The following NCK1 variants were observed in gnomAD, a reference collection of about 807,000 sequenced individuals.
NCK1 encodes the protein NCK adaptor protein 1, also known as SH2/SH3 adapter protein NCK1.
A neutral mutation model predicts 36.6 loss-of-function variants in NCK1; 19 were observed. The observed-to-expected ratio is 0.52, with a 90% CI of 0.36 to 0.76. The LOEUF (loss-of-function observed/expected upper bound fraction) is 0.76, where lower values mean the gene tolerates loss of function less well. NCK1 is among the 30% of genes least tolerant of loss of function. The pLI is 0.00. For missense variants in NCK1, 358 were observed against 445.6 expected (o/e 0.80, Z 1.77); for synonymous variants, 165 against 156.0 (o/e 1.06, Z -0.43).
chr3:136,879,115 GGAACAAT>G (rs2108075806), intron 1 of NCK1, among the ~76,000 whole-genome samples: 1 of 119,136 alleles, frequency 8.4e-6, no homozygotes, highest in Admixed American at 9.9e-5. Flanking sequence ...AAACAAACTG[GGAACAAT>G]CAGAACAACA....
intron 1 of NCK1, chr3:136,899,298 G>C: frequency 8.3e-6 from 2 of 241,010 alleles, no homozygotes; most frequent in South Asian, 6.3e-5. Flanking sequence ...CTCTTTTGGC[G>C]AGGACTGAGA....
At chr3:136,933,808 G>A (rs868233504) in intron 2 of NCK1, among the ~76,000 whole-genome samples, 1 of 152,060 alleles carries the variant, frequency 6.6e-6, no homozygotes, top group Middle Eastern at 3.4e-3. Context: ...AAGTTCAAAC[G>A]ATTCTCGTCC....
intron 1 of NCK1, among the ~76,000 whole-genome samples, chr3:136,892,330 A>G (rs976729876): frequency 6.6e-6 from 1 of 152,204 alleles, no homozygotes; most frequent in Non-Finnish European, 1.5e-5. Context: ...GTGTCCTTTC[A>G]TATACAAAGT....
At chr3:136,907,117 C>T (rs1432840335) in intron 1 of NCK1, among the ~76,000 whole-genome samples, 3 of 152,128 alleles carry the variant, frequency 2.0e-5, no homozygotes, top group African/African-American at 7.2e-5. Flanking sequence ...CTTGCAGGGT[C>T]ACATACTTTG....
chr3:136,865,381 G>C (rs1938385133), intron 1 of NCK1, among the ~76,000 whole-genome samples: 1 of 152,084 alleles, frequency 6.6e-6, no homozygotes, highest in South Asian at 2.1e-4. Flanking sequence ...CACCGTGGCT[G>C]GCCTATATTC....
chr3:136,884,692 T>A (rs1939030011), intron 1 of NCK1, among the ~76,000 whole-genome samples: 1 of 150,930 alleles, frequency 6.6e-6, no homozygotes, highest in Admixed American at 6.6e-5. Context: ...CCTCCCAAAG[T>A]GCAGGCTTGA....
chr3:136,941,116 CTTTTTT>C (rs34776608), intron 2 of NCK1, among the ~76,000 whole-genome samples: 2 of 100,096 alleles, frequency 2.0e-5, no homozygotes, highest in Non-Finnish European at 2.0e-5. Context: ...ATTTCTTTTT[CTTTTTT>C]TTTTTTTTTT....
intron 1 of NCK1, among the ~76,000 whole-genome samples, chr3:136,913,176 A>T (rs1181282874): frequency 6.6e-6 from 1 of 150,576 alleles, no homozygotes; most frequent in Non-Finnish European, 1.5e-5. Context: ...ATTTCTTTGT[A>T]TCCCTTTTTG....
intron 2 of NCK1, among the ~76,000 whole-genome samples, chr3:136,942,850 A>G (rs779193394): frequency 6.6e-6 from 1 of 152,336 alleles, no homozygotes; most frequent in South Asian, 2.1e-4. Flanking sequence ...AAAACCACCC[A>G]GGAAGACTCC....
intron 1 of NCK1, among the ~76,000 whole-genome samples, chr3:136,867,209 TTCCTTCCTTCCTTCCG>T: frequency 7.5e-6 from 1 of 133,006 alleles, no homozygotes; most frequent in African/African-American, 2.7e-5. Flanking sequence ...TTTCCCTTCC[TTCCTTCCTTCCTTCCG>T]TCCATCCATC....
intron 1 of NCK1, among the ~76,000 whole-genome samples, chr3:136,881,233 T>C (rs1938924436): frequency 6.6e-6 from 1 of 152,158 alleles, no homozygotes; most frequent in African/African-American, 2.4e-5. Flanking sequence ...TATTTAATTT[T>C]TTTTGAGATG....
At chr3:136,922,374 T>G (rs1940135288) in intron 1 of NCK1, among the ~76,000 whole-genome samples, 1 of 152,196 alleles carries the variant, frequency 6.6e-6, no homozygotes. Context: ...ATTTATAATT[T>G]CAAGCTTTCT....
chr3:136,884,049 G>A (rs1939011782), intron 1 of NCK1, among the ~76,000 whole-genome samples: 1 of 152,178 alleles, frequency 6.6e-6, no homozygotes, highest in Non-Finnish European at 1.5e-5. Context: ...ACAGTAGCTT[G>A]GATTAGAGAA....
rs190201760 is a variant in NCK1, at chr3:136,950,336, C to T, written c.*1883C>T. Among the ~76,000 whole-genome samples, 1 of 152,164 alleles carries T rather than the reference C, an allele frequency of 6.6e-6. No homozygotes were observed. Among genetic ancestry groups the T allele is most frequent in the East Asian group, 1.9e-4 (1 of 5,192 alleles). On this transcript the variant is annotated 3_prime_UTR_variant, in exon 4 of 4. Coordinates refer to ENST00000481752, the MANE Select transcript of NCK1 (RefSeq NM_001291999.2). ...ACTATTCATAGTAAACTGCACTGAG[C>T]TGATATTAATAGAGCAGACTTTTGA...
At chr3:136,887,279 C>A (rs965073568) in intron 1 of NCK1, among the ~76,000 whole-genome samples, 1 of 152,180 alleles carries the variant, frequency 6.6e-6, no homozygotes, top group Admixed American at 6.6e-5. Context: ...ACGATCTTCC[C>A]ACCTTATCCT....
At chr3:136,902,642 T>C (rs765675333) in intron 1 of NCK1, among the ~76,000 whole-genome samples, 17 of 152,134 alleles carry the variant, frequency 1.1e-4, no homozygotes, top group African/African-American at 1.7e-4. Flanking sequence ...AAAGAATGTG[T>C]TCACAGTGGG....
chr3:136,864,957 TTTTG>T (rs539681343), intron 1 of NCK1, among the ~76,000 whole-genome samples: 1 of 149,530 alleles, frequency 6.7e-6, no homozygotes, highest in African/African-American at 2.4e-5. Context: ...TTTCTTTTTC[TTTTG>T]TTTGTTTTTT....
chr3:136,905,102 T>G (rs1464973376), intron 1 of NCK1, among the ~76,000 whole-genome samples: 2 of 148,166 alleles, frequency 1.3e-5, no homozygotes, highest in African/African-American at 2.5e-5. Context: ...AACCTTCACC[T>G]CCCAGGTTCA....
intron 1 of NCK1, among the ~76,000 whole-genome samples, chr3:136,905,250 G>A (rs1027056785): frequency 1.3e-5 from 2 of 151,962 alleles, no homozygotes; most frequent in Non-Finnish European, 2.9e-5. Flanking sequence ...TTGAACTCCT[G>A]ACCTCCAGTG....
Sources: gnomAD v4.1 joint callset for allele counts (sites outside exome capture counted in the v4.1 genomes callset) on GRCh38, gnomAD v4.1.1 for gene constraint, MANE v1.5 for transcripts, NCBI Gene and HGNC (gene_info 2026-07-23, HGNC 2026-07-21) for gene names.